Variants in RBFOX1 observed in about 807,000 individuals in gnomAD.
RBFOX1 encodes RNA binding protein fox-1 homolog 1.
Under a neutral mutation model 57.7 loss-of-function variants are expected in RBFOX1, and 8 were observed. The observed-to-expected ratio is 0.14, with a 90% CI of 0.08 to 0.25. The LOEUF (loss-of-function observed/expected upper bound fraction) is 0.25, where lower values mean the gene tolerates loss of function less well. Among genes scored for constraint, RBFOX1 ranks in the 10% least tolerant of loss-of-function variants. RBFOX1 has a pLI of 1.00. For synonymous variants in RBFOX1, 326 were observed against 222.4 expected (o/e 1.47, Z -4.15); for missense variants, 611 against 548.5 (o/e 1.11, Z -1.14).
chr16:5,973,362 C>G (rs1000754367), intron 4 of RBFOX1, among the ~76,000 whole-genome samples: 1 of 152,192 alleles, frequency 6.6e-6, no homozygotes, highest in African/African-American at 2.4e-5. Context: ...CTTCACCAAC[C>G]TGCTATTTTT....
chr16:6,280,847 G>A (rs1406876578), intron 1 of RBFOX1, among the ~76,000 whole-genome samples: 1 of 151,814 alleles, frequency 6.6e-6, no homozygotes, highest in Non-Finnish European at 1.5e-5. Flanking sequence ...GAGAGTATGT[G>A]GCTATTTCCT....
At chr16:6,544,478 G>C (rs771007830) in intron 2 of RBFOX1, among the ~76,000 whole-genome samples, 6 of 152,126 alleles carry the variant, frequency 3.9e-5, no homozygotes, top group Non-Finnish European at 7.3e-5. Context: ...TTCCTGTTTT[G>C]TAGGATCTCA....
chr16:6,631,683 CAG>C (rs2098386868), intron 2 of RBFOX1, among the ~76,000 whole-genome samples: 3 of 152,000 alleles, frequency 2.0e-5, no homozygotes, highest in Admixed American at 2.0e-4. Context: ...ATAAAGAAAA[CAG>C]AACAGAGAGG....
chr16:6,146,811 T>G (rs1597775906), intron 1 of RBFOX1, among the ~76,000 whole-genome samples: 2 of 152,344 alleles, frequency 1.3e-5, no homozygotes, highest in South Asian at 4.1e-4. Flanking sequence ...AAGTACTGTT[T>G]TGAGCTTTAA....
chr16:6,307,218 T>A (rs1389064020), intron 1 of RBFOX1, among the ~76,000 whole-genome samples: 2 of 152,080 alleles, frequency 1.3e-5, no homozygotes, highest in Non-Finnish European at 1.5e-5. Context: ...CTTCTGCAAG[T>A]AAAGTGCCTA....
chr16:6,062,164 A>G (rs948103747), intron 1 of RBFOX1, among the ~76,000 whole-genome samples: 1 of 152,178 alleles, frequency 6.6e-6, no homozygotes, highest in Non-Finnish European at 1.5e-5. Context: ...CTCTGGGTGC[A>G]TCACCTTCTA....
chr16:7,107,710 A>C (rs1429485875), intron 4 of RBFOX1, among the ~76,000 whole-genome samples: 1 of 152,138 alleles, frequency 6.6e-6, no homozygotes, highest in African/African-American at 2.4e-5. Flanking sequence ...CTAGAATTTT[A>C]TATAAATGGA....
At chr16:7,079,504 T>G (rs937816933) in intron 4 of RBFOX1, among the ~76,000 whole-genome samples, 1 of 152,186 alleles carries the variant, frequency 6.6e-6, no homozygotes, top group African/African-American at 2.4e-5. Context: ...CAACTCACAG[T>G]CCTTCTTTGT....
At chr16:5,471,972 C>G (rs890978031) in intron 2 of RBFOX1, among the ~76,000 whole-genome samples, 1 of 152,118 alleles carries the variant, frequency 6.6e-6, no homozygotes. Context: ...GTGTCACCTC[C>G]CCGACAGATG....
At chr16:5,952,406 C>T (rs1233037271) in intron 4 of RBFOX1, among the ~76,000 whole-genome samples, 2 of 152,118 alleles carry the variant, frequency 1.3e-5, no homozygotes, top group African/African-American at 4.8e-5. Flanking sequence ...CCACCTTGGC[C>T]TCCTGAGTAG....
chr16:6,244,218 T>C (rs1163164509), intron 1 of RBFOX1, among the ~76,000 whole-genome samples: 1 of 152,142 alleles, frequency 6.6e-6, no homozygotes, highest in Non-Finnish European at 1.5e-5. Context: ...AATGGAGATT[T>C]GGTTATATCC....
At chr16:6,062,569 A>G (rs1297569177) in intron 1 of RBFOX1, among the ~76,000 whole-genome samples, 1 of 146,882 alleles carries the variant, frequency 6.8e-6, no homozygotes, top group Non-Finnish European at 1.5e-5. Flanking sequence ...TATATATAAC[A>G]TATATATCTA....
chr16:7,313,787 G>C (rs1331399108), intron 4 of RBFOX1, among the ~76,000 whole-genome samples: 2 of 152,066 alleles, frequency 1.3e-5, no homozygotes, highest in Admixed American at 6.5e-5. Flanking sequence ...TGGGAGAGCT[G>C]ATATTTAAAA....
At chr16:5,318,971 C>CA (rs1303719364) in intron 1 of RBFOX1, among the ~76,000 whole-genome samples, 6 of 151,922 alleles carry the variant, frequency 3.9e-5, no homozygotes, top group Admixed American at 1.3e-4. Context: ...ACTAAAAATA[C>CA]AAAAAATTAG....
At chr16:5,297,842 A>G (rs1417807104) in intron 1 of RBFOX1, among the ~76,000 whole-genome samples, 1 of 152,194 alleles carries the variant, frequency 6.6e-6, no homozygotes, top group Admixed American at 6.5e-5. Context: ...ACATTATGAA[A>G]CACTTATTCC....
intron 2 of RBFOX1, among the ~76,000 whole-genome samples, chr16:6,414,394 G>C (rs753694847): frequency 6.6e-6 from 1 of 152,212 alleles, no homozygotes; most frequent in East Asian, 1.9e-4. Context: ...GGCACCTACT[G>C]TGTTGTCTAC....
rs571229743 is a variant in RBFOX1, at chr16:7,241,979, T to G, written c.27+189881T>G. Reference sequence around the variant, plus strand: ...TGTATATATTTAAGGGTTTTCAACTTTGGCCCTCTTGATACTTTGGATTGG... The same window carrying G: ...TGTATATATTTAAGGGTTTTCAACTGTGGCCCTCTTGATACTTTGGATTGG... On this transcript the variant is annotated intron_variant, in intron 4 of 15. Transcript: ENST00000550418. 2.0e-5 allele frequency among the ~76,000 whole-genome samples: 3 copies of G among 152,294 alleles called. No homozygotes were observed. In the East Asian group the frequency reaches 5.8e-4, roughly 29 times the overall value.
At chr16:7,241,439 G>T (rs1272273070) in intron 4 of RBFOX1, among the ~76,000 whole-genome samples, 1 of 152,128 alleles carries the variant, frequency 6.6e-6, no homozygotes, top group African/African-American at 2.4e-5. Context: ...TCTAAGTGTG[G>T]TTGTTTAATT....
At chr16:5,948,422 T>A (rs2059449035) in intron 4 of RBFOX1, among the ~76,000 whole-genome samples, 1 of 152,184 alleles carries the variant, frequency 6.6e-6, no homozygotes, top group African/African-American at 2.4e-5. Context: ...TTGAACAGCG[T>A]CTGCCCAAAA....
Sources: allele counts gnomAD v4.1 joint callset (sites outside exome capture counted in the v4.1 genomes callset), GRCh38; gene constraint gnomAD v4.1.1; transcripts MANE v1.5; gene names NCBI Gene and HGNC (gene_info 2026-07-23, HGNC 2026-07-21).